The following RAD51B variants were observed in gnomAD, a reference collection of about 807,000 sequenced individuals.
RAD51B encodes the protein RAD51 paralog B, also known as DNA repair protein RAD51 homolog 2.
Under a neutral mutation model 42.2 loss-of-function variants are expected in RAD51B, and 38 were observed. That is an observed-to-expected ratio of 0.90 (90% CI 0.70 to 1.18). The LOEUF is 1.18. RAD51B is among the 50% of genes most tolerant of loss of function. The pLI, the probability that RAD51B is intolerant of heterozygous loss-of-function variation, is 0.00. For synonymous variants in RAD51B, 154 were observed against 145.2 expected (o/e 1.06, Z -0.43); for missense variants, 373 against 400.7 (o/e 0.93, Z 0.59).
At chr14:68,529,684 TGAG>T (rs973388723) in intron 10 of RAD51B, among the ~76,000 whole-genome samples, 1 of 151,992 alleles carries the variant, frequency 6.6e-6, no homozygotes, top group Admixed American at 6.6e-5. Context: ...TAGAAGAAAA[TGAG>T]GAGAAAGAAG....
At chr14:68,520,163 T>C (rs960936424) in intron 10 of RAD51B, among the ~76,000 whole-genome samples, 1 of 152,196 alleles carries the variant, frequency 6.6e-6, no homozygotes, top group African/African-American at 2.4e-5. Flanking sequence ...CAATGCAGTA[T>C]TTTTTCCACA....
intron 5 of RAD51B, 129 bp downstream of exon 5, chr14:67,865,268 T>G: frequency 1.1e-6 from 1 of 935,286 alleles, no homozygotes; most frequent in South Asian, 2.8e-5. Flanking sequence ...GATGGAGTCT[T>G]GCTCTGTTGC....
intron 7 of RAD51B, among the ~76,000 whole-genome samples, chr14:68,240,784 G>T (rs1197126886): frequency 6.6e-6 from 1 of 152,162 alleles, no homozygotes; most frequent in South Asian, 2.1e-4. Context: ...TTCAAGTTAT[G>T]CTATCAAAGA....
At chr14:67,834,685 T>A (rs1239638785) in intron 3 of RAD51B, among the ~76,000 whole-genome samples, 1 of 152,226 alleles carries the variant, frequency 6.6e-6, no homozygotes, top group South Asian at 2.1e-4. Context: ...GCAGGAATAG[T>A]CAAATTTCCT....
intron 7 of RAD51B, among the ~76,000 whole-genome samples, chr14:68,049,046 A>G (rs1466935938): frequency 6.6e-6 from 1 of 152,310 alleles, no homozygotes; most frequent in African/African-American, 2.4e-5. Context: ...TGATGAGTTC[A>G]TGTCCTTTGT....
chr14:68,266,047 C>G (rs937519313), intron 7 of RAD51B, among the ~76,000 whole-genome samples: 4 of 152,156 alleles, frequency 2.6e-5, no homozygotes, highest in African/African-American at 9.7e-5. Flanking sequence ...ATTTGTATCC[C>G]TACCCCTGAG....
At chr14:68,483,818 T>A (rs1423031626) in intron 10 of RAD51B, among the ~76,000 whole-genome samples, 1 of 152,198 alleles carries the variant, frequency 6.6e-6, no homozygotes, top group Non-Finnish European at 1.5e-5. Context: ...GCTGAGGACA[T>A]AAGAGATGAA....
intron 7 of RAD51B, among the ~76,000 whole-genome samples, chr14:67,958,518 C>T (rs1367084710): frequency 6.6e-6 from 1 of 152,176 alleles, no homozygotes; most frequent in East Asian, 1.9e-4. Flanking sequence ...CCACCAAGTG[C>T]TTGTCAAATA....
intron 8 of RAD51B, among the ~76,000 whole-genome samples, chr14:68,341,694 A>G (rs964816289): frequency 6.6e-6 from 1 of 152,158 alleles, no homozygotes; most frequent in South Asian, 2.1e-4. Context: ...ATCACTTAGG[A>G]TCTCATAAGG....
chr14:68,251,289 T>C (rs2080626776), intron 7 of RAD51B, among the ~76,000 whole-genome samples: 1 of 152,226 alleles, frequency 6.6e-6, no homozygotes, highest in Admixed American at 6.5e-5. Flanking sequence ...TTTACCATTG[T>C]GCTCCTCCCT....
At chr14:67,872,886 A>G (rs1209940077) in intron 5 of RAD51B, among the ~76,000 whole-genome samples, 3 of 152,228 alleles carry the variant, frequency 2.0e-5, no homozygotes, top group Non-Finnish European at 2.9e-5. Flanking sequence ...GGCTAGCCAT[A>G]TATAGAAAGC....
intron 11 of RAD51B, among the ~76,000 whole-genome samples, chr14:68,658,867 CT>C (rs1291659597): frequency 6.6e-6 from 1 of 152,230 alleles, no homozygotes; most frequent in East Asian, 1.9e-4. Context: ...AAGGGAGAAA[CT>C]GAGGACCCAA....
chr14:68,418,122 C>G (rs529231942), intron 9 of RAD51B, among the ~76,000 whole-genome samples: 17 of 152,274 alleles, frequency 1.1e-4, no homozygotes, highest in African/African-American at 3.9e-4. Context: ...AGTATACCAC[C>G]ATGATGTTTT....
intron 9 of RAD51B, among the ~76,000 whole-genome samples, chr14:68,429,106 A>G (rs1254485364): frequency 2.6e-5 from 4 of 152,116 alleles, no homozygotes; most frequent in Admixed American, 1.3e-4. Flanking sequence ...ATGGCTGCGT[A>G]GTATTCCACG....
At chr14:67,845,288 C>A (rs779974571) in intron 4 of RAD51B, among the ~76,000 whole-genome samples, 6 of 152,170 alleles carry the variant, frequency 3.9e-5, no homozygotes, top group Non-Finnish European at 7.3e-5. Flanking sequence ...TCTCGTAAGG[C>A]AGGTCTAATG....
chr14:68,448,577 A>G (rs10136055), intron 9 of RAD51B, among the ~76,000 whole-genome samples: 2 of 152,134 alleles, frequency 1.3e-5, no homozygotes, highest in African/African-American at 4.8e-5. Context: ...ACATTAAATA[A>G]ATCATTCAGT....
intron 11 of RAD51B, among the ~76,000 whole-genome samples, chr14:68,661,052 C>T (rs1448220755): frequency 6.6e-6 from 1 of 152,196 alleles, no homozygotes; most frequent in African/African-American, 2.4e-5. Context: ...GCTGCAGCCA[C>T]AGAGGAAGGC....
intron 8 of RAD51B, among the ~76,000 whole-genome samples, chr14:68,298,071 A>G (rs945944293): frequency 1.3e-5 from 2 of 152,192 alleles, no homozygotes; most frequent in African/African-American, 4.8e-5. Context: ...ATAGCACTTG[A>G]CTGGGCATAT....
intron 7 of RAD51B, among the ~76,000 whole-genome samples, chr14:68,124,722 G>C (rs1056859858): frequency 2.0e-5 from 3 of 152,124 alleles, no homozygotes; most frequent in Non-Finnish European, 2.9e-5. Context: ...GGGAGGCCAA[G>C]GGGGGCGGAT....
Sources: gnomAD v4.1 joint callset for allele counts (sites outside exome capture counted in the v4.1 genomes callset) on GRCh38, gnomAD v4.1.1 for gene constraint, MANE v1.5 for transcripts, NCBI Gene and HGNC (gene_info 2026-07-23, HGNC 2026-07-21) for gene names.